The following ZNF550 variants were observed in gnomAD, a reference collection of about 807,000 sequenced individuals.
The protein encoded by ZNF550 is zinc finger protein 550.
In ZNF550, 42 loss-of-function variants were observed where a neutral mutation model predicts 40.2. The ratio of observed to expected loss-of-function variants is 1.05; its 90% CI spans 0.82 to 1.35. The LOEUF is 1.35. ZNF550 is among the 40% of genes most tolerant of loss of function. The probability of loss-of-function intolerance (pLI) is 0.00; values close to 1 mark genes in which losing one functional copy is unlikely to be tolerated. For missense variants in ZNF550, 549 were observed against 525.2 expected (o/e 1.05, Z -0.44); for synonymous variants, 223 against 198.6 (o/e 1.12, Z -1.03).
intron 2 of ZNF550, 200 bp from the exon 3 acceptor site, chr19:57,552,922 C>CACCGAGAT: frequency 3.6e-6 from 2 of 549,906 alleles, no homozygotes; most frequent in Non-Finnish European, 6.5e-6. Context: ...ATGTTGATGC[C>CACCGAGAT]CTAACACCCA....
chr19:57,544,319 A>G (rs1479462398), intron 4 of ZNF550: 12 of 985,342 alleles, frequency 1.2e-5, no homozygotes, highest in Non-Finnish European at 1.4e-5. Context: ...AAGCTAAGAA[A>G]AACCTAGGGT....
chr19:57,550,314 C>G (rs751890943), intron 3 of ZNF550, among the ~76,000 whole-genome samples: 10 of 152,166 alleles, frequency 6.6e-5, no homozygotes, highest in South Asian at 2.1e-4. Flanking sequence ...CCAGTCATCT[C>G]CTGGGTGTAT....
chr19:57,551,121 C>G (rs561513162), intron 3 of ZNF550, among the ~76,000 whole-genome samples: 2 of 152,206 alleles, frequency 1.3e-5, no homozygotes, highest in East Asian at 1.9e-4. Flanking sequence ...ATGATGCAGG[C>G]ACTGGCAAAG....
intron 4 of ZNF550, chr19:57,543,639 A>G (rs1036292553): frequency 1.3e-5 from 13 of 985,306 alleles, no homozygotes; most frequent in Non-Finnish European, 1.6e-5. Flanking sequence ...CATGAACATG[A>G]AAACGTTTTA....
At chr19:57,559,841 A>T in exon 1 of ZNF550, 1 of 582,934 alleles carries the variant, frequency 1.7e-6, no homozygotes, top group Non-Finnish European at 2.6e-6. Context: ...ACAAACGTCC[A>T]CGCCAGCGAG....
chr19:57,555,391 T>C (rs961271396), intron 2 of ZNF550: 3 of 152,412 alleles, frequency 2.0e-5, no homozygotes, highest in Non-Finnish European at 2.9e-5. Flanking sequence ...CAGGCTAGAA[T>C]GCACTGGCGC....
At chr19:57,547,913 G>A in exon 4 of ZNF550, 1 of 1,614,116 alleles carries the variant, frequency 6.2e-7, no homozygotes, top group South Asian at 1.1e-5. Context: ...TCCAGAGTCA[G>A]GCTTCCCCGG....
exon 4 of ZNF550, chr19:57,546,584 G>A: frequency 3.0e-6 from 3 of 1,004,162 alleles, no homozygotes; most frequent in Non-Finnish European, 3.6e-6. Context: ...TAACAATTAT[G>A]TAGTAACTTT....
intron 1 of ZNF550, among the ~76,000 whole-genome samples, chr19:57,558,577 T>C (rs1219416951): frequency 3.3e-5 from 5 of 152,064 alleles, no homozygotes; most frequent in African/African-American, 1.2e-4. Context: ...GGCAACTAAA[T>C]AAATGAGTAA....
At chr19:57,541,895 C>A (rs1189920412) in exon 5 of ZNF550, 4 of 152,060 alleles carry the variant, frequency 2.6e-5, no homozygotes, top group Admixed American at 2.6e-4. Flanking sequence ...CCATAAACTT[C>A]AGAACCAAAG....
chr19:57,549,627 T>C (rs2090055169), intron 3 of ZNF550, among the ~76,000 whole-genome samples: 1 of 151,746 alleles, frequency 6.6e-6, no homozygotes, highest in Non-Finnish European at 1.5e-5. Flanking sequence ...AAGTGGGCAA[T>C]GGGTTGAAGG....
chr19:57,547,547 A>C, exon 4 of ZNF550: 1 of 1,614,224 alleles, frequency 6.2e-7, no homozygotes, highest in African/African-American at 1.3e-5. Flanking sequence ...CATGCATTGC[A>C]TTCATAGGGT....
In ZNF550 at chr19:57,547,120, T is replaced by C. The variant is rs755457362; in HGVS notation, c.1124A>G (p.Gln375Arg). 11 of 1,613,404 alleles carry C rather than the reference T, an allele frequency of 6.8e-6. No homozygotes were observed. The South Asian group carries it at 1.2e-4, about 18-fold the overall frequency. Reference sequence around the variant, plus strand: ...GCTCCGGTGAAAGGCTTTCCCACACTGGGTGCATTCATAGGGCTTCTCCCC... The same window carrying C: ...GCTCCGGTGAAAGGCTTTCCCACACCGGGTGCATTCATAGGGCTTCTCCCC... The change falls in exon 4 of 5, where the codon CAG becomes CGG. Residue 375 changes from glutamine (Q) to arginine (R), a missense_variant. Physicochemically the swap from Gln to Arg is conservative, Grantham distance 43. Transcript: ENST00000457177.
At position 57,552,263 on chromosome 19, in the gene ZNF550, T is replaced by C. The variant is rs191145107; in HGVS notation, c.250+364A>G. 18 of 402,960 alleles carry C rather than the reference T, an allele frequency of 4.5e-5. No homozygotes were observed. The East Asian group carries it at 6.4e-4, about 14-fold the overall frequency. The allele number at this position is 402,960 out of a possible 1,614,324, so 25.0% of individuals were successfully genotyped here. ...TCCATGGGCACATAGCCAAATCACATTTGTCAGTCCTGAGCATCTAGGTGT... is the reference window on the plus strand; with the variant it reads ...TCCATGGGCACATAGCCAAATCACACTTGTCAGTCCTGAGCATCTAGGTGT... On this transcript the variant is annotated intron_variant, in intron 3 of 4. Transcript: ENST00000457177.
rs575836365 is a variant in ZNF550 at position 57,559,538 on chromosome 19, C to G, written c.27+118G>C. 4.3e-4 allele frequency: 450 copies of G among 1,038,810 alleles called. 3 individuals carry two copies. The African/African-American group carries it at 6.5e-3, about 15-fold the overall frequency. 64.3% of individuals were successfully genotyped at this position (1,038,810 alleles called of 1,614,324 possible). On this transcript the variant is annotated intron_variant, in intron 1 of 4. Coordinates refer to ENST00000457177, the Ensembl canonical transcript of ZNF550. ...GGGACCGCGCGACCCCCTTCTAGGCCTCTAAGAAGCAACGGCAGGGACTGC... is the reference window on the plus strand; with the variant it reads ...GGGACCGCGCGACCCCCTTCTAGGCGTCTAAGAAGCAACGGCAGGGACTGC...
At chr19:57,552,467 C>A in intron 3 of ZNF550, 160 bp downstream of exon 3, 2 of 589,498 alleles carry the variant, frequency 3.4e-6, no homozygotes, top group South Asian at 4.5e-5. Flanking sequence ...TGGCTCAGTG[C>A]TCACCTGATG....
intron 4 of ZNF550, among the ~76,000 whole-genome samples, chr19:57,544,857 C>T (rs1356387027): frequency 6.6e-6 from 1 of 152,186 alleles, no homozygotes; most frequent in Non-Finnish European, 1.5e-5. Flanking sequence ...TACAGTGGCT[C>T]ACACCTGTAA....
At chr19:57,550,891 G>A (rs1293861995) in intron 3 of ZNF550, among the ~76,000 whole-genome samples, 1 of 152,118 alleles carries the variant, frequency 6.6e-6, no homozygotes, top group African/African-American at 2.4e-5. Context: ...TTACAAGTGG[G>A]GTCAACACAA....
chr19:57,559,534 A>T, intron 1 of ZNF550, 122 bp downstream of exon 1: 13 of 966,402 alleles, frequency 1.3e-5, no homozygotes, highest in Non-Finnish European at 1.8e-5. Flanking sequence ...ACCCCCTTCT[A>T]GGCCTCTAAG....
Sources: allele counts gnomAD v4.1 joint callset (sites outside exome capture counted in the v4.1 genomes callset), GRCh38; gene constraint gnomAD v4.1.1; transcripts MANE v1.5; gene names NCBI Gene and HGNC (gene_info 2026-07-23, HGNC 2026-07-21).